GABRG1: variants seen among roughly 807,000 people sequenced by gnomAD.
The protein encoded by GABRG1 is gamma-aminobutyric acid type A receptor subunit gamma1.
In GABRG1, 49 loss-of-function variants were observed where a neutral mutation model predicts 49.8. That is an observed-to-expected ratio of 0.98 (90% confidence interval 0.78 to 1.25). GABRG1 has a LOEUF of 1.25. Among genes scored for constraint, GABRG1 ranks in the 50% most tolerant of loss-of-function variants. The pLI, the probability that GABRG1 is intolerant of heterozygous loss-of-function variation, is 0.00. For missense variants in GABRG1, 552 were observed against 552.3 expected (o/e 1.00, Z 0.01); for synonymous variants, 232 against 185.1 (o/e 1.25, Z -2.06).
At chr4:46,088,152 G>A (rs1483685512) in intron 2 of GABRG1, among the ~76,000 whole-genome samples, 4 of 151,984 alleles carry the variant, frequency 2.6e-5, no homozygotes, top group Non-Finnish European at 5.9e-5. Context: ...CATGTCGCCT[G>A]TAAATTATTT....
intron 1 of GABRG1, among the ~76,000 whole-genome samples, chr4:46,116,239 C>A (rs532696106): frequency 1.3e-5 from 2 of 150,762 alleles, no homozygotes; most frequent in Admixed American, 6.6e-5. Flanking sequence ...TATGTGAGTG[C>A]TTTTTGGAGT....
At chr4:46,058,667 C>A in intron 5 of GABRG1, 45 bp from the exon 6 acceptor site, 4 of 1,469,856 alleles carry the variant, frequency 2.7e-6, no homozygotes, top group Non-Finnish European at 3.8e-6. Context: ...AAATTTGATA[C>A]CATTGCAATG....
chr4:46,123,749 G>C, intron 1 of GABRG1, 61 bp downstream of exon 1: 1 of 1,171,458 alleles, frequency 8.5e-7, no homozygotes, highest in Non-Finnish European at 1.3e-6. Flanking sequence ...TTAAAAGAAA[G>C]GGGAATAAGG....
intron 5 of GABRG1, among the ~76,000 whole-genome samples, chr4:46,061,813 CA>C (rs869263955): frequency 1.2e-3 from 170 of 146,016 alleles, no homozygotes; most frequent in African/African-American, 3.9e-3. Context: ...TTACCACTTA[CA>C]TTTTTTTTTT....
intron 3 of GABRG1, among the ~76,000 whole-genome samples, chr4:46,069,312 A>C (rs984250312): frequency 1.3e-5 from 2 of 152,086 alleles, no homozygotes; most frequent in African/African-American, 4.8e-5. Context: ...AGAACGGTGG[A>C]CCTAATAATT....
Position 46,058,491 on chromosome 4 carries a change from T to C in GABRG1, c.757A>G (p.Ile253Val). ...ATTTGAGTATTCTTTTTACCAGAGA[T>C]CGTGTGAGTGATTTCAGTTGAGTTC... ...LRNSTEITHT[I>V]SGDYVIMTIF... The change falls in exon 6 of 9, where the codon ATC (isoleucine) becomes GTC (valine). Residue 253 changes from isoleucine (I) to valine (V), a missense_variant. By Grantham distance (29) the Ile-to-Val change is conservative. Coordinates refer to ENST00000295452, the MANE Select transcript of GABRG1 (RefSeq NM_173536.4). 1 of 1,612,636 alleles carries C rather than the reference T, an allele frequency of 6.2e-7. No homozygotes were observed. Among genetic ancestry groups the C allele is most frequent in the Non-Finnish European group, 8.5e-7 (1 of 1,179,350 alleles).
chr4:46,087,765 T>G (rs1229237247), intron 2 of GABRG1, among the ~76,000 whole-genome samples: 1 of 151,884 alleles, frequency 6.6e-6, no homozygotes, highest in East Asian at 1.9e-4. Flanking sequence ...GACCCAAAGA[T>G]AGATACCAAG....
intron 3 of GABRG1, among the ~76,000 whole-genome samples, chr4:46,074,161 C>T (rs150467015): frequency 5.9e-5 from 9 of 152,268 alleles, no homozygotes; most frequent in Non-Finnish European, 1.0e-4. Context: ...CAGTGCTAAA[C>T]AGCTAGATTA....
rs1300088519 is a variant in GABRG1 at position 46,097,298 on chromosome 4, G to A, written c.156C>T (p.Thr52=). Residue 52 remains threonine, a synonymous_variant, in exon 2 of 9, where the codon ACC becomes ACT. Transcript: ENST00000295452. ...CATGAATTTTTGGGGCCAAGACCCA[G>A]GTTTTGTTCACCGTTAAATCCTCAT... ...EDDEDLTVNK[T]WVLAPKIHEG... 1 of 1,610,752 alleles carries A rather than the reference G, an allele frequency of 6.2e-7. No individual in the cohort carries two copies. The highest frequency in any genetic ancestry group is 8.5e-7 in the Non-Finnish European group (1 of 1,177,970).
chr4:46,056,151 TAAAAAAAAAAAA>T (rs1182116080), intron 7 of GABRG1, among the ~76,000 whole-genome samples: 4 of 9,146 alleles, frequency 4.4e-4, no homozygotes, highest in Non-Finnish European at 6.5e-4. Context: ...ATAAATAAAT[TAAAAAAAAAAAA>T]AAAAAAAAAA....
chr4:46,085,689 AC>A (rs1719729677), intron 2 of GABRG1, among the ~76,000 whole-genome samples: 1 of 151,464 alleles, frequency 6.6e-6, no homozygotes, highest in African/African-American at 2.4e-5. Context: ...AAGAAAAAAA[AC>A]CAGAAATCTG....
intron 2 of GABRG1, among the ~76,000 whole-genome samples, chr4:46,088,006 C>G (rs1577657064): frequency 6.6e-6 from 1 of 151,928 alleles, no homozygotes; most frequent in Non-Finnish European, 1.5e-5. Context: ...ATTTCTTAAC[C>G]ACACTAATCA....
chr4:46,045,219 T>C (rs966762831), intron 8 of GABRG1, among the ~76,000 whole-genome samples: 7 of 151,926 alleles, frequency 4.6e-5, no homozygotes, highest in Non-Finnish European at 8.8e-5. Context: ...AAGTAATACA[T>C]CCACTTAAGG....
intron 2 of GABRG1, among the ~76,000 whole-genome samples, chr4:46,092,136 C>T (rs1435173539): frequency 1.3e-5 from 2 of 151,854 alleles, no homozygotes; most frequent in African/African-American, 2.4e-5. Flanking sequence ...TTTCGAGAGA[C>T]TTGCACCAAA....
At chr4:46,044,332 T>G (rs1293638604) in intron 8 of GABRG1, among the ~76,000 whole-genome samples, 2 of 151,686 alleles carry the variant, frequency 1.3e-5, no homozygotes, top group African/African-American at 2.4e-5. Context: ...CAAAAGAAAT[T>G]TATCTGGGTG....
intron 3 of GABRG1, among the ~76,000 whole-genome samples, chr4:46,069,507 A>G (rs572457179): frequency 2.0e-5 from 3 of 152,266 alleles, no homozygotes; most frequent in East Asian, 3.9e-4. Context: ...GTGTTATTCT[A>G]TGTTTGAAAT....
At chr4:46,053,606 G>A (rs13140445) in intron 7 of GABRG1, among the ~76,000 whole-genome samples, 1 of 151,658 alleles carries the variant, frequency 6.6e-6, no homozygotes, top group African/African-American at 2.4e-5. Context: ...TGTTCCCATC[G>A]TCAGCCCAGG....
At chr4:46,045,122 G>A (rs1449725988) in intron 8 of GABRG1, among the ~76,000 whole-genome samples, 2 of 151,976 alleles carry the variant, frequency 1.3e-5, no homozygotes, top group African/African-American at 4.8e-5. Context: ...GGAGAAAAGT[G>A]AAAATGAACA....
Position 46,040,936 on chromosome 4 carries a change from A to G in GABRG1, c.*52T>C, listed in dbSNP as rs1368931583. On this transcript the variant is annotated 3_prime_UTR_variant, in exon 9 of 9. Coordinates refer to ENST00000295452, the MANE Select transcript of GABRG1 (RefSeq NM_173536.4). ...ACTTCAAGTTACTGAAGCACAAAAG[A>G]TTCTACTGAATTTAGTCAGACTTCT... The G allele has an allele frequency of 3.9e-6, 6 of 1,531,466 alleles. No homozygotes were observed. The highest frequency in any genetic ancestry group is 5.3e-6 in the Non-Finnish European group (6 of 1,130,712). The allele number at this position is 1,531,466 out of a possible 1,614,324, so 94.9% of individuals were successfully genotyped here. A position where few individuals can be genotyped will look rare whatever the true frequency, so the allele number is the denominator to read the frequency against.
Sources: gnomAD v4.1 joint callset for allele counts (sites outside exome capture counted in the v4.1 genomes callset) on GRCh38, gnomAD v4.1.1 for gene constraint, MANE v1.5 for transcripts, NCBI Gene and HGNC (gene_info 2026-07-23, HGNC 2026-07-21) for gene names.